The following KIF26A variants were observed in gnomAD, a reference collection of about 807,000 sequenced individuals.
KIF26A encodes the protein kinesin-like protein KIF26A.
A neutral mutation model predicts 126.0 loss-of-function variants in KIF26A; 74 were observed. The observed-to-expected ratio is 0.59, with a 90% CI of 0.49 to 0.71. The LOEUF (loss-of-function observed/expected upper bound fraction) is 0.71, where lower values mean the gene tolerates loss of function less well. KIF26A is among the 30% of genes least tolerant of loss of function. KIF26A has a pLI of 0.00. For missense variants in KIF26A, 2,984 were observed against 2,763.3 expected, an observed-to-expected ratio of 1.08 and a Z score of -1.79; for synonymous variants, 1,445 against 1,232.7, an observed-to-expected ratio of 1.17 and a Z score of -3.61.
Position 104,173,159 on chromosome 14 carries a change from G to T in KIF26A, c.1603G>T (p.Ala535Ser). The change falls in exon 8 of 15, where the codon GCC (alanine) becomes TCC (serine). Residue 535 changes from alanine (A) to serine (S), a missense_variant. Ala to Ser is a moderately conservative substitution (Grantham distance 99). Transcript: ENST00000423312. The part of the protein sequence containing the change: ...GRDQSLRDLL[A>S]EVAPGSLQDT... Reference sequence around the variant, plus strand: ...CGACCAGAGCCTGCGGGACCTGCTGGCCGAGGTGGCCCCTGGCAGCCTCCA... The same window carrying T: ...CGACCAGAGCCTGCGGGACCTGCTGTCCGAGGTGGCCCCTGGCAGCCTCCA... 1 of 1,611,292 alleles carries T rather than the reference G, an allele frequency of 6.2e-7. No homozygotes were observed. The highest frequency in any genetic ancestry group is 2.2e-5 in the East Asian group (1 of 44,842).
chr14:104,167,076 TG>T, intron 5 of KIF26A, 28 bp downstream of exon 5: 1 of 1,490,974 alleles, frequency 6.7e-7, no homozygotes, highest in Non-Finnish European at 8.9e-7. Flanking sequence ...TTCGGGGCCC[TG>T]GGTGGGGAGG....
At position 104,176,225 on chromosome 14, in the gene KIF26A, C is replaced by A. The variant is rs1369094749; in HGVS notation, c.3437C>A (p.Pro1146His). The change falls in exon 12 of 15, where the codon CCC becomes CAC. Residue 1146 changes from proline (P) to histidine (H), a missense_variant. Physicochemically the swap from Pro to His is moderately conservative, Grantham distance 77. Coordinates refer to ENST00000423312, the MANE Select transcript of KIF26A (RefSeq NM_015656.2). ...DSLAGLDPGG[P>H]PALDGSLGDG... ...CTGGCAGGGCTTGACCCTGGGGGCC[C>A]CCCTGCCCTGGATGGTTCCCTGGGG... 2 of 1,601,554 alleles carry A rather than the reference C, an allele frequency of 1.2e-6. No homozygotes were observed. Among genetic ancestry groups the A allele is most frequent in the African/African-American group, 1.3e-5 (1 of 74,856 alleles).
chr14:104,171,275 A>C (rs111313216), intron 5 of KIF26A, among the ~76,000 whole-genome samples: 6,647 of 151,982 alleles, frequency 0.044, 189 homozygotes, highest in Non-Finnish European at 0.063. Flanking sequence ...TGCGGCTCTC[A>C]CACCTCTGTG....
In KIF26A at chr14:104,173,448, G is replaced by C; in HGVS notation, c.1802G>C (p.Ser601Thr). ...GGCTGTGGCGAGGACGCCCGACGCA[G>C]CTCCCACATGTTGTTCACGCTGCAC... ...RAGCGEDARR[S>T]SHMLFTLHVY... Residue 601 changes from serine (S) to threonine (T), a missense_variant, in exon 9 of 15, where the codon AGC becomes ACC. Ser to Thr is a moderately conservative substitution (Grantham distance 58). Transcript: ENST00000423312. 1 of 1,589,330 alleles carries C rather than the reference G, an allele frequency of 6.3e-7. No individual in the cohort carries two copies.
intron 2 of KIF26A, among the ~76,000 whole-genome samples, chr14:104,150,185 T>C (rs1361310794): frequency 4.8e-5 from 4 of 83,154 alleles, no homozygotes; most frequent in African/African-American, 9.2e-5. Context: ...CTCCTTCCCC[T>C]CCTCATCCCC....
intron 2 of KIF26A, among the ~76,000 whole-genome samples, chr14:104,146,181 GGTGGTT>G (rs2037678891): frequency 1.3e-5 from 2 of 152,192 alleles, no homozygotes; most frequent in Admixed American, 6.5e-5. Flanking sequence ...CAGTGAACAG[GGTGGTT>G]GTTTTTGGGG....
At position 104,177,646 on chromosome 14, in the gene KIF26A, C is replaced by T; in HGVS notation, c.4858C>T (p.Arg1620Trp). 4 of 1,526,144 alleles carry T rather than the reference C, an allele frequency of 2.6e-6. No individual in the cohort carries two copies. The highest frequency in any genetic ancestry group is 3.5e-6 in the Non-Finnish European group (4 of 1,141,106). The allele number at this position is 1,526,144 out of a possible 1,614,324, so 94.5% of individuals were successfully genotyped here. Residue 1620 changes from arginine (R) to tryptophan (W), a missense_variant, in exon 12 of 15, where the codon CGG (arginine) becomes TGG (tryptophan). Transcript: ENST00000423312. ...PSPYSKVTAP[R>W]RPQRYSSGHG... Reference sequence around the variant, plus strand: ...CCCCTACAGCAAGGTGACCGCCCCACGGCGGCCCCAGCGCTACAGCAGCGG... The same window carrying T: ...CCCCTACAGCAAGGTGACCGCCCCATGGCGGCCCCAGCGCTACAGCAGCGG...
intron 4 of KIF26A, among the ~76,000 whole-genome samples, chr14:104,161,658 T>G (rs541882170): frequency 1.7e-4 from 26 of 152,302 alleles, no homozygotes; most frequent in Non-Finnish European, 2.9e-4. Context: ...GTTCTGAGCT[T>G]CTTCTGTGAG....
intron 3 of KIF26A, among the ~76,000 whole-genome samples, chr14:104,156,212 C>T (rs2037775727): frequency 6.6e-6 from 1 of 152,220 alleles, no homozygotes; most frequent in Admixed American, 6.5e-5. Flanking sequence ...TTCCTGTCTG[C>T]TCAGCAAAGG....
chr14:104,153,249 T>G (rs2037746786), intron 3 of KIF26A, among the ~76,000 whole-genome samples: 1 of 152,112 alleles, frequency 6.6e-6, no homozygotes, highest in Non-Finnish European at 1.5e-5. Flanking sequence ...CTAGCTGCCC[T>G]GGCAGTGGCT....
chr14:104,166,485 G>A (rs1031632766), intron 4 of KIF26A, among the ~76,000 whole-genome samples: 44 of 152,116 alleles, frequency 2.9e-4, no homozygotes, highest in Admixed American at 7.9e-4. Flanking sequence ...CCTGGGCATC[G>A]GGTGGGAGCA....
chr14:104,172,024 G>A (rs901928673), intron 6 of KIF26A, 89 bp downstream of exon 6: 41 of 1,261,772 alleles, frequency 3.2e-5, no homozygotes, highest in Non-Finnish European at 4.0e-5. Flanking sequence ...CCGCTTCTCC[G>A]TGCAGGGCGC....
At chr14:104,179,210 G>A (rs1473513173) in intron 13 of KIF26A, 26 bp from the exon 14 acceptor site, 4 of 1,435,760 alleles carry the variant, frequency 2.8e-6, no homozygotes, top group South Asian at 1.5e-5. Context: ...TCCCATGCCT[G>A]AGCCCCCGCC....
intron 2 of KIF26A, among the ~76,000 whole-genome samples, chr14:104,139,652 G>A (rs2037618081): frequency 6.6e-6 from 1 of 152,196 alleles, no homozygotes; most frequent in Non-Finnish European, 1.5e-5. Flanking sequence ...GCAGGGAGAG[G>A]TTATTTGGTG....
At chr14:104,169,149 C>T (rs1272126177) in intron 5 of KIF26A, among the ~76,000 whole-genome samples, 1 of 152,160 alleles carries the variant, frequency 6.6e-6, no homozygotes, top group Non-Finnish European at 1.5e-5. Context: ...GCTGCCGCTG[C>T]CCTGGCCACG....
At chr14:104,146,688 G>T (rs568785535) in intron 2 of KIF26A, among the ~76,000 whole-genome samples, 1 of 152,302 alleles carries the variant, frequency 6.6e-6, no homozygotes, top group African/African-American at 2.4e-5. Context: ...CCCTGGGAAG[G>T]TGCAGTCCCG....
Position 104,157,761 on chromosome 14 carries a change from G to A in KIF26A, c.742G>A (p.Ala248Thr). Residue 248 changes from alanine to threonine, a missense_variant, in exon 4 of 15, where the codon GCA becomes ACA. By Grantham distance (58) the Ala-to-Thr change is moderately conservative (BLOSUM62 0). Coordinates refer to ENST00000423312, the MANE Select transcript of KIF26A (RefSeq NM_015656.2). ...ACTCTCTCCTTCCCTCCAGGCCGAG[G>A]CAGCGGTGGCGGCCGTGGCGGTGGC... The part of the protein sequence containing the change: ...SFLPPACLAE[A>T]AVAAVAVADT... The A allele has an allele frequency of 6.2e-7, 1 of 1,610,798 alleles. No homozygotes were observed. Among genetic ancestry groups the A allele is most frequent in the Non-Finnish European group, 8.5e-7 (1 of 1,179,094 alleles).
intron 5 of KIF26A, among the ~76,000 whole-genome samples, chr14:104,170,930 A>G (rs534610031): frequency 3.3e-5 from 5 of 151,996 alleles, no homozygotes; most frequent in Non-Finnish European, 5.9e-5. Flanking sequence ...TGCTTTGGAG[A>G]CGCCATTGCT....
Position 104,179,320 on chromosome 14 carries a change from C to G in KIF26A, c.5401C>G (p.Leu1801Val). 6.5e-7 allele frequency: 1 copy of G among 1,540,408 alleles called. No individual in the cohort carries two copies. The highest frequency in any genetic ancestry group is 1.4e-5 in the African/African-American group (1 of 73,026). Residue 1801 changes from leucine to valine, a missense_variant, in exon 14 of 15, where the codon CTG becomes GTG. Physicochemically the swap from Leu to Val is conservative, Grantham distance 32. Transcript: ENST00000423312. ...LREVQAKHKH[L>V]CEELAETQGR... is the part of the protein sequence containing the mutation. Reference sequence around the variant, plus strand: ...GGAGGTGCAGGCCAAGCACAAGCACCTGTGTGAGGAGCTGGCCGAGACCCA... The same window carrying G: ...GGAGGTGCAGGCCAAGCACAAGCACGTGTGTGAGGAGCTGGCCGAGACCCA...
Sources: allele counts gnomAD v4.1 joint callset (sites outside exome capture counted in the v4.1 genomes callset), GRCh38; gene constraint gnomAD v4.1.1; transcripts MANE v1.5; gene names NCBI Gene and HGNC (gene_info 2026-07-23, HGNC 2026-07-21).